Variants in OSBPL8 observed in about 807,000 individuals in gnomAD.
OSBPL8 encodes oxysterol binding protein like 8, also known as oxysterol-binding protein-related protein 8.
OSBPL8 carries 59 observed loss-of-function variants against 125.5 expected under a neutral mutation model. The ratio of observed to expected loss-of-function variants is 0.47; its 90% CI spans 0.38 to 0.58. The LOEUF is 0.58. Ranked by LOEUF, OSBPL8 falls within the 20% of genes least tolerant of loss-of-function variation. The pLI is 0.00. For synonymous variants in OSBPL8, 330 were observed against 338.9 expected (o/e 0.97, Z 0.29); for missense variants, 758 against 1,047.8 (o/e 0.72, Z 3.82).
chr12:76,486,199 C>T, intron 2 of OSBPL8: 1 of 295,478 alleles, frequency 3.4e-6, no homozygotes, highest in Non-Finnish European at 6.8e-6. Flanking sequence ...AAGGCTGGGA[C>T]CAAGTTAATA....
chr12:76,406,341 G>A (rs1351945263), intron 5 of OSBPL8, among the ~76,000 whole-genome samples: 1 of 152,148 alleles, frequency 6.6e-6, no homozygotes, highest in African/African-American at 2.4e-5. Context: ...ATATTTTAAA[G>A]CAAGTAAAAG....
chr12:76,423,222 T>C (rs1869725966), intron 4 of OSBPL8: 1 of 152,268 alleles, frequency 6.6e-6, no homozygotes, highest in South Asian at 2.1e-4. Context: ...TAAACATTCA[T>C]AAGGAAAGAT....
At chr12:76,356,910 A>G (rs909253611) in intron 22 of OSBPL8, among the ~76,000 whole-genome samples, 182 bp from the exon 23 acceptor site, 2 of 152,198 alleles carry the variant, frequency 1.3e-5, no homozygotes, top group African/African-American at 4.8e-5. Context: ...AGAACACTAC[A>G]AATATATTTA....
At chr12:76,432,016 A>G (rs1870890970) in intron 4 of OSBPL8, among the ~76,000 whole-genome samples, 1 of 152,204 alleles carries the variant, frequency 6.6e-6, no homozygotes, top group Non-Finnish European at 1.5e-5. Flanking sequence ...AAAGATCAAA[A>G]TAATATCAAG....
intron 1 of OSBPL8, among the ~76,000 whole-genome samples, chr12:76,489,134 AG>A (rs1353117807): frequency 3.9e-5 from 6 of 152,192 alleles, no homozygotes; most frequent in Non-Finnish European, 8.8e-5. Context: ...GCAGAAGAGA[AG>A]TTTCAAGCCA....
intron 15 of OSBPL8, 61 bp from the exon 16 acceptor site, chr12:76,378,611 A>G: frequency 2.5e-6 from 3 of 1,207,514 alleles, no homozygotes; most frequent in Non-Finnish European, 2.4e-6. Flanking sequence ...CAAAACAAAC[A>G]AAATATATTT....
At chr12:76,433,683 T>C (rs757074990) in intron 4 of OSBPL8, among the ~76,000 whole-genome samples, 3 of 151,848 alleles carry the variant, frequency 2.0e-5, no homozygotes, top group Non-Finnish European at 4.4e-5. Flanking sequence ...CTTAAAAAAT[T>C]ACCAAAAAAG....
intron 1 of OSBPL8, among the ~76,000 whole-genome samples, chr12:76,499,785 G>A (rs1033805104): frequency 2.0e-5 from 3 of 151,948 alleles, no homozygotes; most frequent in Admixed American, 6.6e-5. Flanking sequence ...ACCCGGGAGC[G>A]GAGGTTGCAG....
chr12:76,439,748 GTTCAT>G (rs1871958352), intron 4 of OSBPL8, among the ~76,000 whole-genome samples: 1 of 152,146 alleles, frequency 6.6e-6, no homozygotes, highest in Non-Finnish European at 1.5e-5. Flanking sequence ...CCAGAAATCT[GTTCAT>G]TTCATTAAGT....
intron 4 of OSBPL8, among the ~76,000 whole-genome samples, chr12:76,442,052 T>C (rs755744659): frequency 1.3e-5 from 2 of 152,194 alleles, no homozygotes; most frequent in African/African-American, 2.4e-5. Flanking sequence ...ATGTACTCCA[T>C]AAATATTTAT....
chr12:76,358,630 G>T, intron 22 of OSBPL8, 76 bp downstream of exon 22: 1 of 1,285,180 alleles, frequency 7.8e-7, no homozygotes, highest in Non-Finnish European at 1.1e-6. Context: ...GAGTTAATAT[G>T]AAAAACCATA....
chr12:76,474,822 G>T (rs567804889), intron 2 of OSBPL8, among the ~76,000 whole-genome samples: 26 of 152,270 alleles, frequency 1.7e-4, no homozygotes, highest in African/African-American at 6.0e-4. Flanking sequence ...TGTGTACACA[G>T]ACAAACACAT....
intron 2 of OSBPL8, among the ~76,000 whole-genome samples, chr12:76,461,815 G>C (rs1463099659): frequency 1.3e-5 from 2 of 152,168 alleles, no homozygotes; most frequent in African/African-American, 2.4e-5. Flanking sequence ...GACTGAGTGA[G>C]AGACTTCTAG....
intron 1 of OSBPL8, among the ~76,000 whole-genome samples, chr12:76,499,334 CT>C (rs1879631003): frequency 3.4e-5 from 4 of 116,428 alleles, no homozygotes; most frequent in African/African-American, 1.0e-4. Flanking sequence ...ATCTATCTAT[CT>C]ATCTATCTAT....
At chr12:76,378,381 A>C (rs1952909480) in intron 16 of OSBPL8, 71 bp downstream of exon 16, 1 of 1,070,850 alleles carries the variant, frequency 9.3e-7, no homozygotes, top group Non-Finnish European at 1.4e-6. Context: ...ACAAAGCATA[A>C]CAAATCACAG....
At position 76,448,742 on chromosome 12, in the gene OSBPL8, C is replaced by T. The variant is rs142469898; in HGVS notation, c.217+2109G>A. ...ATTGAAATAAAGTAGAGGATGGGTG[C>T]GGTGGCTCACGCCTGTAATCCCAGC... On this transcript the variant is annotated intron_variant, in intron 4 of 23. Transcript: ENST00000261183. Among the ~76,000 whole-genome samples the T allele has an allele frequency of 5.3e-3, 814 of 152,208 alleles. 8 individuals carry two copies. Among genetic ancestry groups the T allele is most frequent in the African/African-American group, 0.019 (777 of 41,532 alleles).
intron 5 of OSBPL8, among the ~76,000 whole-genome samples, chr12:76,403,666 A>G (rs35974341): frequency 0.21 from 31,480 of 152,034 alleles, 3,460 homozygotes; most frequent in Non-Finnish European, 0.27. Flanking sequence ...GTTAGACATA[A>G]GAAAAGGCAC....
chr12:76,504,830 G>A (rs1186679603), intron 1 of OSBPL8, among the ~76,000 whole-genome samples: 2 of 152,130 alleles, frequency 1.3e-5, no homozygotes, highest in Non-Finnish European at 2.9e-5. Context: ...AATTACTCCT[G>A]AAATAACATT....
chr12:76,384,181 A>C, intron 15 of OSBPL8, 73 bp downstream of exon 15: 3 of 807,296 alleles, frequency 3.7e-6, no homozygotes, highest in Non-Finnish European at 5.7e-6. Flanking sequence ...AGCCCATGAC[A>C]CTGCCTAAAT....
Sources: allele counts gnomAD v4.1 joint callset (sites outside exome capture counted in the v4.1 genomes callset), GRCh38; gene constraint gnomAD v4.1.1; transcripts MANE v1.5; gene names NCBI Gene and HGNC (gene_info 2026-07-23, HGNC 2026-07-21).